Variants in ADGRL3 observed in about 807,000 individuals in gnomAD.
ADGRL3 encodes calcium-independent alpha-latrotoxin receptor 3.
In ADGRL3, 62 loss-of-function variants were observed where a neutral mutation model predicts 153.5. That is an observed-to-expected ratio of 0.40 (90% CI 0.33 to 0.50). ADGRL3 has a LOEUF of 0.50. ADGRL3 is among the 20% of genes least tolerant of loss of function. ADGRL3 has a pLI of 0.47. For missense variants in ADGRL3, 1,641 were observed against 1,859.4 expected, an observed-to-expected ratio of 0.88 and a Z score of 2.16; for synonymous variants, 710 against 672.5, an observed-to-expected ratio of 1.06 and a Z score of -0.86.
At chr4:61,217,225 A>G (rs1454073852) in intron 1 of ADGRL3, among the ~76,000 whole-genome samples, 1 of 152,192 alleles carries the variant, frequency 6.6e-6, no homozygotes, top group African/African-American at 2.4e-5. Flanking sequence ...GGTAAGTGCT[A>G]CAGAAGACAA....
chr4:61,884,195 A>T lies in ADGRL3; in HGVS notation c.1481-8461A>T, dbSNP rs576709768. On this transcript the variant is annotated intron_variant, in intron 9 of 26. Transcript: ENST00000683033. ...CATATAACATATGCCATATTCTGAT[A>T]CTTTTTAAAAATTACTTCAAACCTT... 4.6e-5 allele frequency among the ~76,000 whole-genome samples: 7 copies of T among 152,336 alleles called. No individual in the cohort carries two copies. The South Asian group carries it at 1.2e-3, about 27-fold the overall frequency.
chr4:61,597,241 G>T (rs549046879), intron 5 of ADGRL3, among the ~76,000 whole-genome samples: 1 of 152,064 alleles, frequency 6.6e-6, no homozygotes, highest in East Asian at 1.9e-4. Context: ...AAGTCTACAG[G>T]AATGCTGTAA....
At chr4:61,425,630 C>G (rs1029764498) in intron 2 of ADGRL3, among the ~76,000 whole-genome samples, 5 of 152,216 alleles carry the variant, frequency 3.3e-5, no homozygotes, top group Non-Finnish European at 7.3e-5. Flanking sequence ...CAGGGTGGTG[C>G]TCCCCATGGT....
rs147632687 is a variant in ADGRL3 at position 61,227,127 on chromosome 4, G to A, written c.-240+25362G>A. On this transcript the variant is annotated intron_variant, in intron 1 of 26. Coordinates refer to ENST00000683033, the MANE Select transcript of ADGRL3 (RefSeq NM_001387552.1). The stretch of plus-strand genomic sequence containing the variant: ...TCACAATGTATGTTGCATGAATGAA[G>A]GAGTAACACTTTGTTTTGTCTTCAT... Among the ~76,000 whole-genome samples, 705 of 147,126 alleles carry A rather than the reference G, an allele frequency of 4.8e-3. 6 individuals are homozygous for A. The highest frequency in any genetic ancestry group is 0.016 in the African/African-American group (673 of 41,334).
chr4:61,979,848 T>C, intron 18 of ADGRL3, 76 bp downstream of exon 18: 1 of 1,201,252 alleles, frequency 8.3e-7, no homozygotes, highest in South Asian at 1.3e-5. Flanking sequence ...CTAAAAATAC[T>C]TATGTTTGAA....
At chr4:61,224,768 C>T (rs76849139) in intron 1 of ADGRL3, among the ~76,000 whole-genome samples, 1,613 of 152,214 alleles carry the variant, frequency 0.011, 25 homozygotes, top group African/African-American at 0.036. Context: ...TGGCAGGACC[C>T]GAGGGAAGGA....
At chr4:61,950,500 A>C (rs2098942932) in intron 17 of ADGRL3, among the ~76,000 whole-genome samples, 1 of 151,976 alleles carries the variant, frequency 6.6e-6, no homozygotes, top group East Asian at 1.9e-4. Flanking sequence ...ATGGTAAAAG[A>C]GTTTAGAATT....
intron 21 of ADGRL3, among the ~76,000 whole-genome samples, chr4:62,025,094 A>C (rs1717698640): frequency 6.6e-6 from 1 of 152,152 alleles, no homozygotes; most frequent in Admixed American, 6.6e-5. Flanking sequence ...TCATAAGTAT[A>C]ACCATTTGAT....
At chr4:61,245,932 G>T (rs757167659) in intron 1 of ADGRL3, among the ~76,000 whole-genome samples, 3 of 151,880 alleles carry the variant, frequency 2.0e-5, no homozygotes, top group Non-Finnish European at 2.9e-5. Context: ...TCTTTTACAA[G>T]ATTTTTCAGG....
chr4:61,723,793 A>G (rs991346588), intron 6 of ADGRL3, among the ~76,000 whole-genome samples: 1 of 152,110 alleles, frequency 6.6e-6, no homozygotes, highest in Non-Finnish European at 1.5e-5. Context: ...TCACTTTTCT[A>G]TTAGAAAAGA....
At chr4:61,332,459 A>G (rs2095592375) in intron 1 of ADGRL3, among the ~76,000 whole-genome samples, 1 of 152,204 alleles carries the variant, frequency 6.6e-6, no homozygotes, top group Non-Finnish European at 1.5e-5. Flanking sequence ...AAAATGATAT[A>G]CCTTCTTTGA....
chr4:61,418,441 GC>G (rs2097168640), intron 2 of ADGRL3, among the ~76,000 whole-genome samples: 3 of 142,834 alleles, frequency 2.1e-5, no homozygotes, highest in East Asian at 3.1e-4. Flanking sequence ...CACAATGGCA[GC>G]AAATTTAGAT....
At chr4:61,684,892 T>C (rs775015300) in intron 6 of ADGRL3, among the ~76,000 whole-genome samples, 20 of 152,182 alleles carry the variant, frequency 1.3e-4, no homozygotes, top group South Asian at 1.2e-3. Flanking sequence ...TTCTAGTAGA[T>C]TTAAAAGCAC....
intron 4 of ADGRL3, among the ~76,000 whole-genome samples, chr4:61,533,933 G>T (rs999824231): frequency 1.3e-5 from 2 of 152,042 alleles, no homozygotes; most frequent in Admixed American, 6.6e-5. Context: ...TACACGTGCA[G>T]GTTTGTTATA....
chr4:61,315,355 A>G (rs1266405950), intron 1 of ADGRL3, among the ~76,000 whole-genome samples: 1 of 152,104 alleles, frequency 6.6e-6, no homozygotes, highest in Non-Finnish European at 1.5e-5. Context: ...CACAGGATTG[A>G]TTGTGCTGTA....
Position 61,386,513 on chromosome 4 carries a change from G to A in ADGRL3, c.-174+3324G>A, listed in dbSNP as rs559301492. On this transcript the variant is annotated intron_variant, in intron 2 of 26. Coordinates refer to ENST00000683033, the MANE Select transcript of ADGRL3 (RefSeq NM_001387552.1). ...CATGTAAAACCTCTGGTTTTGTTCA[G>A]CAGGGTTTATACTCATGGTCAATCT... is the stretch of plus-strand genomic sequence containing the variant. 3.3e-5 allele frequency among the ~76,000 whole-genome samples: 5 copies of A among 152,220 alleles called. No individual in the cohort carries two copies. In the East Asian group the frequency reaches 5.8e-4, roughly 18 times the overall value.
chr4:61,378,632 G>A (rs190834999), intron 1 of ADGRL3, among the ~76,000 whole-genome samples: 13 of 152,064 alleles, frequency 8.5e-5, no homozygotes, highest in Admixed American at 5.9e-4. Flanking sequence ...ACCCAAGCTC[G>A]CTGTTATGGA....
At chr4:61,510,234 C>A (rs892312593) in intron 3 of ADGRL3, among the ~76,000 whole-genome samples, 1 of 152,118 alleles carries the variant, frequency 6.6e-6, no homozygotes, top group African/African-American at 2.4e-5. Context: ...TTGATAGTTT[C>A]TTTTGCTGTG....
chr4:61,767,125 G>C (rs1045971736), intron 8 of ADGRL3, among the ~76,000 whole-genome samples: 7 of 151,830 alleles, frequency 4.6e-5, no homozygotes, highest in African/African-American at 1.5e-4. Flanking sequence ...AGGGAGTAGA[G>C]GTATCTTATA....
Sources: gnomAD v4.1 joint callset for allele counts (sites outside exome capture counted in the v4.1 genomes callset) on GRCh38, gnomAD v4.1.1 for gene constraint, MANE v1.5 for transcripts, NCBI Gene and HGNC (gene_info 2026-07-23, HGNC 2026-07-21) for gene names.